Variants in SRF observed in about 807,000 individuals in gnomAD.
SRF encodes the protein c-fos serum response element-binding transcription factor.
Under a neutral mutation model 37.1 loss-of-function variants are expected in SRF, and 7 were observed. The observed-to-expected ratio is 0.19, with a 90% CI of 0.11 to 0.35. The LOEUF (loss-of-function observed/expected upper bound fraction) is 0.35, where lower values mean the gene tolerates loss of function less well. SRF is among the 10% of genes least tolerant of loss of function. The pLI is 1.00. For synonymous variants in SRF, 285 were observed against 310.1 expected, an observed-to-expected ratio of 0.92 and a Z score of 0.85; for missense variants, 395 against 694.4, an observed-to-expected ratio of 0.57 and a Z score of 4.85.
rs1434388240 is a variant in SRF, at chr6:43,175,996, G to A, written c.1042+29G>A. 53 of 1,601,276 alleles carry A rather than the reference G, an allele frequency of 3.3e-5. 1 individual carries two copies. Among genetic ancestry groups the A allele is most frequent in the South Asian group, 5.5e-5 (5 of 90,932 alleles). On this transcript the variant is annotated intron_variant, in intron 3 of 6. Coordinates refer to ENST00000265354, the MANE Select transcript of SRF (RefSeq NM_003131.4). ...AGTCACGAGGGGCAGGGAGAGATTCGTCCTTCCTGGGGCAAATCAAGCATG... is the reference window on the plus strand; with the variant it reads ...AGTCACGAGGGGCAGGGAGAGATTCATCCTTCCTGGGGCAAATCAAGCATG...
At position 43,173,766 on chromosome 6, in the gene SRF, G is replaced by C. The variant is rs1772148918; in HGVS notation, c.514-81G>C. 3.9e-6 allele frequency: 6 copies of C among 1,534,522 alleles called. No individual in the cohort carries two copies. Among genetic ancestry groups the C allele is most frequent in the Non-Finnish European group, 5.3e-6 (6 of 1,134,492 alleles). On this transcript the variant is annotated intron_variant, in intron 1 of 6. Coordinates refer to ENST00000265354, the MANE Select transcript of SRF (RefSeq NM_003131.4). This position sits in a 1 kb window ranked among gnomAD's most constrained non-coding sequence, Gnocchi z 4.2. ...ATGGGAATGGGGGAATGACATCACT[G>C]TATAATTCTTTTTCCAACTTCTCAA...
intron 4 of SRF, among the ~76,000 whole-genome samples, chr6:43,177,897 A>G (rs1380133558): frequency 6.7e-6 from 1 of 149,342 alleles, no homozygotes; most frequent in Non-Finnish European, 1.5e-5. Context: ...CCTGGGTGAC[A>G]GAGTGAGACT....
Position 43,175,951 on chromosome 6 carries a change from C to T in SRF, c.1026C>T (p.Ser342=). The T allele has an allele frequency of 6.2e-7, 1 of 1,612,956 alleles. No homozygotes were observed. Among genetic ancestry groups the T allele is most frequent in the Admixed American group, 1.7e-5 (1 of 60,018 alleles). ...GGGGCCTTATGCAGCTGCCTACCAG[C>T]TTCACCCTCATGCCTGGTGAGTCAC... The part of the protein sequence containing the change: ...SSGGLMQLPT[S]FTLMPGGAVA... The change falls in exon 3 of 7, where the codon AGC becomes AGT. Residue 342 remains serine, a synonymous_variant. Transcript: ENST00000265354.
In SRF at chr6:43,172,061, G is replaced by A; in HGVS notation, c.405G>A (p.Lys135=). ...TGAGCGGCGCGGTGAGCGGGGCCAA[G>A]CCGGGTAAGAAGACCCGGGGCCGCG... ...GPVSGAVSGA[K]PGKKTRGRVK... is the part of the protein sequence containing the mutation. The change falls in exon 1 of 7, where the codon AAG becomes AAA. Residue 135 remains lysine (K), a synonymous_variant. Coordinates refer to ENST00000265354, the MANE Select transcript of SRF (RefSeq NM_003131.4). This position sits in a 1 kb window ranked among gnomAD's most constrained non-coding sequence, Gnocchi z 5.7. 1 of 1,609,896 alleles carries A rather than the reference G, an allele frequency of 6.2e-7. No homozygotes were observed. The highest frequency in any genetic ancestry group is 2.2e-5 in the East Asian group (1 of 44,530).
At position 43,173,233 on chromosome 6, in the gene SRF, C is replaced by T. The variant is rs186612858; in HGVS notation, c.514-614C>T. Among the ~76,000 whole-genome samples the T allele has an allele frequency of 6.6e-6, 1 of 152,262 alleles. No homozygotes were observed. The highest frequency in any genetic ancestry group is 1.9e-4 in the East Asian group (1 of 5,188). ...ACACTGTTGTATCAGTGTCCCTTGTCACTTGATCATCAGTGGAGAAGATTG... is the reference window on the plus strand; with the variant it reads ...ACACTGTTGTATCAGTGTCCCTTGTTACTTGATCATCAGTGGAGAAGATTG... On this transcript the variant is annotated intron_variant, in intron 1 of 6. Transcript: ENST00000265354. This position sits in a 1 kb window ranked among gnomAD's most constrained non-coding sequence, Gnocchi z 4.2.
Position 43,179,382 on chromosome 6 carries a change from C to T in SRF, c.*192C>T, listed in dbSNP as rs996267938. 2 of 610,682 alleles carry T rather than the reference C, an allele frequency of 3.3e-6. No homozygotes were observed. Among genetic ancestry groups the T allele is most frequent in the African/African-American group, 3.7e-5 (2 of 54,224 alleles). The allele number at this position is 610,682 out of a possible 1,614,324, so 37.8% of individuals were successfully genotyped here. A position where few individuals can be genotyped will look rare whatever the true frequency, so the allele number is the denominator to read the frequency against. On this transcript the variant is annotated 3_prime_UTR_variant, in exon 7 of 7. Coordinates refer to ENST00000265354, the MANE Select transcript of SRF (RefSeq NM_003131.4). This position sits in a 1 kb window ranked among gnomAD's most constrained non-coding sequence, Gnocchi z 5.3. ...CTGCCTGCCTCCACCCGTCCTCCCT[C>T]AGCCTCCCCTTCTTCCCGCCCCACC...
Position 43,176,062 on chromosome 6 carries a change from C to A in SRF, c.1042+95C>A. 6.7e-7 allele frequency: 1 copy of A among 1,502,284 alleles called. No individual in the cohort carries two copies. The highest frequency in any genetic ancestry group is 8.9e-7 in the Non-Finnish European group (1 of 1,119,698). The allele number at this position is 1,502,284 out of a possible 1,614,324, so 93.1% of individuals were successfully genotyped here. A position where few individuals can be genotyped will look rare whatever the true frequency, so the allele number is the denominator to read the frequency against. On this transcript the variant is annotated intron_variant, in intron 3 of 6. Coordinates refer to ENST00000265354, the MANE Select transcript of SRF (RefSeq NM_003131.4). This position sits in a 1 kb window ranked among gnomAD's most constrained non-coding sequence, Gnocchi z 4.0. ...GGGCTGGCACCAAGAGAACCTCTTT[C>A]CCTGCTCAGAAGGAAGGTGAATAGG...
In SRF at chr6:43,173,128, G is replaced by A. The variant is rs1772139643; in HGVS notation, c.514-719G>A. ...TGTTGGGAGAGTATGGCATCTATGGGGCCATCCTTGAAGGTCCCCTTCCTG... is the reference window on the plus strand; with the variant it reads ...TGTTGGGAGAGTATGGCATCTATGGAGCCATCCTTGAAGGTCCCCTTCCTG... On this transcript the variant is annotated intron_variant, in intron 1 of 6. Transcript: ENST00000265354. The surrounding 1 kb of genome is among the most constrained non-coding windows in gnomAD (Gnocchi z 4.2). Among the ~76,000 whole-genome samples the A allele has an allele frequency of 6.6e-6, 1 of 152,078 alleles. No individual in the cohort carries two copies. Among genetic ancestry groups the A allele is most frequent in the African/African-American group, 2.4e-5 (1 of 41,382 alleles).
chr6:43,181,304 G>C lies in SRF; in HGVS notation c.*2114G>C, dbSNP rs1305165645. ...GCGACCCTTGGTGTTTCCCTTCCTCGGTGGCTCTGGGGTATGTGTGTGTGG... is the reference window on the plus strand; with the variant it reads ...GCGACCCTTGGTGTTTCCCTTCCTCCGTGGCTCTGGGGTATGTGTGTGTGG... On this transcript the variant is annotated 3_prime_UTR_variant, in exon 7 of 7. Coordinates refer to ENST00000265354, the MANE Select transcript of SRF (RefSeq NM_003131.4). 6.5e-6 allele frequency: 1 copy of C among 152,778 alleles called. No homozygotes were observed. Among genetic ancestry groups the C allele is most frequent in the African/African-American group, 2.4e-5 (1 of 41,324 alleles). The allele number at this position is 152,778 out of a possible 1,614,324, so 9.5% of individuals were successfully genotyped here. A position where few individuals can be genotyped will look rare whatever the true frequency, so the allele number is the denominator to read the frequency against.
At position 43,172,139 on chromosome 6, in the gene SRF, C is replaced by T. The variant is rs1415328085; in HGVS notation, c.483C>T (p.Phe161=). ...IDNKLRRYTT[F]SKRKTGIMKK... ...ACAAGCTGCGGCGCTACACGACCTTCAGCAAGAGGAAGACGGGCATCATGA... is the reference window on the plus strand; with the variant it reads ...ACAAGCTGCGGCGCTACACGACCTTTAGCAAGAGGAAGACGGGCATCATGA... The change falls in exon 1 of 7, where the codon TTC becomes TTT. Residue 161 remains phenylalanine, a synonymous_variant. Transcript: ENST00000265354. The surrounding 1 kb of genome is among the most constrained non-coding windows in gnomAD (Gnocchi z 5.7). 6.2e-7 allele frequency: 1 copy of T among 1,611,920 alleles called. No individual in the cohort carries two copies. Among genetic ancestry groups the T allele is most frequent in the South Asian group, 1.1e-5 (1 of 91,070 alleles).
chr6:43,172,237 G>A lies in SRF; in HGVS notation c.513+68G>A, dbSNP rs1370625544. 1.3e-6 allele frequency: 2 copies of A among 1,551,544 alleles called. No individual in the cohort carries two copies. Among genetic ancestry groups the A allele is most frequent in the African/African-American group, 1.4e-5 (1 of 73,502 alleles). On this transcript the variant is annotated intron_variant, in intron 1 of 6. Transcript: ENST00000265354. This position sits in a 1 kb window ranked among gnomAD's most constrained non-coding sequence, Gnocchi z 5.7. ...GTGGGGATGTGCAAAGGGAGCCCGG[G>A]AGGACCGCAGAGCCGAGGCGGAGGT...
At chr6:43,175,014 C>A (rs1354806609) in intron 2 of SRF, among the ~76,000 whole-genome samples, 4 of 152,138 alleles carry the variant, frequency 2.6e-5, no homozygotes, top group Non-Finnish European at 4.4e-5. Context: ...CTCATTTATT[C>A]CCAGGAAATT....
intron 4 of SRF, among the ~76,000 whole-genome samples, chr6:43,177,120 C>CT (rs1772212763): frequency 6.6e-6 from 1 of 151,932 alleles, no homozygotes. Flanking sequence ...TATTTATAAC[C>CT]TTTTTACTCA....
rs981690334 is a variant in SRF, at chr6:43,172,452, G to A, written c.513+283G>A. 1 of 985,316 alleles carries A rather than the reference G, an allele frequency of 1.0e-6. No homozygotes were observed. Among genetic ancestry groups the A allele is most frequent in the Non-Finnish European group, 1.2e-6 (1 of 829,930 alleles). 61.0% of individuals were successfully genotyped at this position (985,316 alleles called of 1,614,324 possible). Reference sequence around the variant, plus strand: ...AAGAGGGCCCTTGCTGAGTGAAGGGGTGAGGAGCGGTGATGGGAGGCTACG... The same window carrying A: ...AAGAGGGCCCTTGCTGAGTGAAGGGATGAGGAGCGGTGATGGGAGGCTACG... On this transcript the variant is annotated intron_variant, in intron 1 of 6. Coordinates refer to ENST00000265354, the MANE Select transcript of SRF (RefSeq NM_003131.4). This position sits in a 1 kb window ranked among gnomAD's most constrained non-coding sequence, Gnocchi z 5.7.
chr6:43,176,167 G>T lies in SRF; in HGVS notation c.1042+200G>T, dbSNP rs941122120. The stretch of plus-strand genomic sequence containing the variant: ...ACTGAGACCCCTGCTGTCCTTGTCA[G>T]TAAGTTTCAACCATATATTCTGGCC... On this transcript the variant is annotated intron_variant, in intron 3 of 6. Coordinates refer to ENST00000265354, the MANE Select transcript of SRF (RefSeq NM_003131.4). The surrounding 1 kb of genome is among the most constrained non-coding windows in gnomAD (Gnocchi z 4.0). Among the ~76,000 whole-genome samples the T allele has an allele frequency of 1.3e-5, 2 of 152,182 alleles. No individual in the cohort carries two copies. Among genetic ancestry groups the T allele is most frequent in the Non-Finnish European group, 2.9e-5 (2 of 68,038 alleles).
chr6:43,178,758 G>C lies in SRF; in HGVS notation c.1355-48G>C. 1.3e-6 allele frequency: 2 copies of C among 1,591,998 alleles called. No homozygotes were observed. Among genetic ancestry groups the C allele is most frequent in the South Asian group, 1.1e-5 (1 of 90,612 alleles). On this transcript the variant is annotated intron_variant, in intron 5 of 6. Coordinates refer to ENST00000265354, the MANE Select transcript of SRF (RefSeq NM_003131.4). The surrounding 1 kb of genome is among the most constrained non-coding windows in gnomAD (Gnocchi z 4.3). The stretch of plus-strand genomic sequence containing the variant: ...TTTGACACCACTCCTCCAATATCTG[G>C]AAGTTTCAACAAACAATTTGAGTAT...
Position 43,176,796 on chromosome 6 carries a change from C to T in SRF, c.1162+129C>T. 3 of 1,375,164 alleles carry T rather than the reference C, an allele frequency of 2.2e-6. No individual in the cohort carries two copies. The highest frequency in any genetic ancestry group is 3.0e-6 in the Non-Finnish European group (3 of 1,013,392). The allele number at this position is 1,375,164 out of a possible 1,614,324, so 85.2% of individuals were successfully genotyped here. ...TTAAAGTGGAGATTGAGGCTTTGGG[C>T]CTAATAATTATGGGGAAGTCAGGTG... On this transcript the variant is annotated intron_variant, in intron 4 of 6. Coordinates refer to ENST00000265354, the MANE Select transcript of SRF (RefSeq NM_003131.4). The surrounding 1 kb of genome is among the most constrained non-coding windows in gnomAD (Gnocchi z 4.0).
chr6:43,173,945 C>A lies in SRF; in HGVS notation c.612C>A (p.Pro204=). 1 of 1,614,146 alleles carries A rather than the reference C, an allele frequency of 6.2e-7. No homozygotes were observed. The highest frequency in any genetic ancestry group is 1.6e-4 in the Middle Eastern group (1 of 6,062). ...VYTFATRKLQ[P]MITSETGKAL... ...CCTTTGCCACCCGAAAACTGCAGCC[C>A]ATGATCACCAGTGAGACCGGCAAGG... Residue 204 remains proline (P), a synonymous_variant, in exon 2 of 7, where the codon CCC becomes CCA. Coordinates refer to ENST00000265354, the MANE Select transcript of SRF (RefSeq NM_003131.4). The surrounding 1 kb of genome is among the most constrained non-coding windows in gnomAD (Gnocchi z 4.2).
intron 2 of SRF, 87 bp from the exon 3 acceptor site, chr6:43,175,619 T>TA: frequency 1.3e-6 from 2 of 1,564,088 alleles, no homozygotes; most frequent in South Asian, 1.2e-5. Context: ...GCTCACTGGT[T>TA]TCAGTCTGGG....
Sources: allele counts gnomAD v4.1 joint callset (sites outside exome capture counted in the v4.1 genomes callset), GRCh38; gene constraint gnomAD v4.1.1; non-coding constraint Gnocchi (gnomAD v3.1); transcripts MANE v1.5; gene names NCBI Gene and HGNC (gene_info 2026-07-23, HGNC 2026-07-21).